Variants in SEMA3E observed in about 807,000 individuals in gnomAD.
SEMA3E encodes the protein semaphorin-3E.
A neutral mutation model predicts 93.6 loss-of-function variants in SEMA3E; 49 were observed. That is an observed-to-expected ratio of 0.52 (90% CI 0.42 to 0.66). The LOEUF is 0.66. Among genes scored for constraint, SEMA3E ranks in the 30% least tolerant of loss-of-function variants. The probability of loss-of-function intolerance (pLI) is 0.00; values close to 1 mark genes in which losing one functional copy is unlikely to be tolerated. For synonymous variants in SEMA3E, 363 were observed against 330.7 expected (o/e 1.10, Z -1.06); for missense variants, 906 against 964.8 (o/e 0.94, Z 0.81).
At chr7:83,483,929 A>G (rs1790199259) in intron 2 of SEMA3E, among the ~76,000 whole-genome samples, 1 of 152,276 alleles carries the variant, frequency 6.6e-6, no homozygotes, top group East Asian at 1.9e-4. Context: ...GGAAGTATTG[A>G]CCCGACCCAC....
rs201142280 is a variant in SEMA3E at position 83,402,385 on chromosome 7, A to AG, written c.1143+246_1143+247insC. On this transcript the variant is annotated intron_variant, in intron 10 of 16. Coordinates refer to ENST00000643230, the MANE Select transcript of SEMA3E (RefSeq NM_012431.3). ...TCAATTGGTGTTACTTAGCCAAAAT[A>AG]TCAATAATAGTACATATTTTATAAT... 4.6e-3 allele frequency among the ~76,000 whole-genome samples: 703 copies of AG among 152,152 alleles called. 23 individuals carry two copies. Among genetic ancestry groups the AG allele is most frequent in the Admixed American group, 0.039 (590 of 15,246 alleles).
chr7:83,608,951 TC>T (rs1793188052), intron 1 of SEMA3E, among the ~76,000 whole-genome samples: 2 of 151,864 alleles, frequency 1.3e-5, no homozygotes, highest in Admixed American at 1.3e-4. Flanking sequence ...TTCAAGGGAG[TC>T]CTGCCAAGAA....
rs75164403 is a variant in SEMA3E at position 83,367,515 on chromosome 7, A to T, written c.*71T>A. The T allele has an allele frequency of 0.11, 167,157 of 1,464,550 alleles. 10,372 individuals are homozygous for T. The highest frequency in any genetic ancestry group is 0.18 in the Middle Eastern group (1,042 of 5,768). 90.7% of individuals were successfully genotyped at this position (1,464,550 alleles called of 1,614,324 possible). A position where few individuals can be genotyped will look rare whatever the true frequency, so the allele number is the denominator to read the frequency against. ...CTTTTAAGTAATGCAAAGAAGTTGG[A>T]TGATTTATTTTTTTACTTTTTTACT... is the stretch of plus-strand genomic sequence containing the variant. On this transcript the variant is annotated 3_prime_UTR_variant, in exon 17 of 17. Coordinates refer to ENST00000643230, the MANE Select transcript of SEMA3E (RefSeq NM_012431.3).
intron 1 of SEMA3E, among the ~76,000 whole-genome samples, chr7:83,515,166 G>A (rs1207436623): frequency 4.0e-5 from 6 of 151,840 alleles, no homozygotes; most frequent in Admixed American, 6.6e-5. Context: ...CTTGCCCAGC[G>A]CCCCTCCTCT....
At chr7:83,369,014 TGAGGA>T (rs1164786350) in intron 16 of SEMA3E, among the ~76,000 whole-genome samples, 1 of 152,090 alleles carries the variant, frequency 6.6e-6, no homozygotes, top group Non-Finnish European at 1.5e-5. Flanking sequence ...AGAAAATAGG[TGAGGA>T]TTTTTTGCAC....
intron 10 of SEMA3E, 102 bp downstream of exon 10, chr7:83,402,530 A>C: frequency 9.7e-7 from 1 of 1,027,656 alleles, no homozygotes; most frequent in Non-Finnish European, 1.5e-6. Flanking sequence ...TAGGTATAGT[A>C]TTCCTTAATT....
At chr7:83,559,057 A>T (rs1189456611) in intron 1 of SEMA3E, among the ~76,000 whole-genome samples, 1 of 152,104 alleles carries the variant, frequency 6.6e-6, no homozygotes, top group East Asian at 1.9e-4. Context: ...TTAATTATAA[A>T]TAAAGCACCA....
rs1794112466 is a variant in SEMA3E at position 83,648,656 on chromosome 7, G to A, written c.-114C>T. 6.4e-6 allele frequency: 5 copies of A among 778,558 alleles called. No individual in the cohort carries two copies. In the Admixed American group the frequency reaches 8.0e-5, roughly 12 times the overall value. 48.2% of individuals were successfully genotyped at this position (778,558 alleles called of 1,614,324 possible). A position where few individuals can be genotyped will look rare whatever the true frequency, so the allele number is the denominator to read the frequency against. On this transcript the variant is annotated 5_prime_UTR_variant, in exon 1 of 17. In the 5' UTR this introduces an upstream ATG that the reference lacks. Transcript: ENST00000643230. ...AGAGGCTTTGTCAGAAATCGAACGC[G>A]TTGTCATCAGAAAGCACAGTTCCGA...
chr7:83,454,774 G>A (rs1259197781), intron 4 of SEMA3E, among the ~76,000 whole-genome samples: 1 of 152,144 alleles, frequency 6.6e-6, no homozygotes, highest in Non-Finnish European at 1.5e-5. Context: ...CAAGCTCTCA[G>A]GGATCGATGA....
chr7:83,635,008 G>A (rs1396973639), intron 1 of SEMA3E, among the ~76,000 whole-genome samples: 2 of 151,936 alleles, frequency 1.3e-5, no homozygotes, highest in African/African-American at 4.8e-5. Context: ...CATATGGTTA[G>A]CTCAAGTTTA....
At chr7:83,561,491 A>G (rs1792028888) in intron 1 of SEMA3E, among the ~76,000 whole-genome samples, 1 of 152,112 alleles carries the variant, frequency 6.6e-6, no homozygotes, top group African/African-American at 2.4e-5. Context: ...CCCTAATCAT[A>G]TTCTTTCCTC....
At chr7:83,607,381 A>G (rs1793146343) in intron 1 of SEMA3E, among the ~76,000 whole-genome samples, 1 of 152,202 alleles carries the variant, frequency 6.6e-6, no homozygotes, top group African/African-American at 2.4e-5. Flanking sequence ...TTACTCTTGT[A>G]ATTTCATTGC....
chr7:83,380,253 T>C (rs537250871), intron 16 of SEMA3E, among the ~76,000 whole-genome samples: 8 of 151,956 alleles, frequency 5.3e-5, no homozygotes, highest in Non-Finnish European at 1.5e-5. Flanking sequence ...ACCTGTCTTC[T>C]CCCTTTCTAC....
chr7:83,591,776 G>A (rs1037676387), intron 1 of SEMA3E, among the ~76,000 whole-genome samples: 1 of 151,970 alleles, frequency 6.6e-6, no homozygotes, highest in African/African-American at 2.4e-5. Flanking sequence ...TCAAATAAGT[G>A]TAGACTTCTT....
At chr7:83,463,377 T>G (rs2115867818) in intron 4 of SEMA3E, among the ~76,000 whole-genome samples, 1 of 152,252 alleles carries the variant, frequency 6.6e-6, no homozygotes, top group Non-Finnish European at 1.5e-5. Context: ...ACTCACTCTC[T>G]ACAGTTCTCA....
chr7:83,550,354 T>G (rs955314571), intron 1 of SEMA3E, among the ~76,000 whole-genome samples: 1 of 152,106 alleles, frequency 6.6e-6, no homozygotes, highest in African/African-American at 2.4e-5. Flanking sequence ...TGCATGTGTG[T>G]GGCACCCAGT....
chr7:83,611,389 A>T (rs984187436), intron 1 of SEMA3E, among the ~76,000 whole-genome samples: 5 of 142,850 alleles, frequency 3.5e-5, no homozygotes, highest in East Asian at 2.0e-4. Context: ...AAATTTATAT[A>T]TTATATATAT....
At chr7:83,438,593 G>T (rs184917374) in intron 4 of SEMA3E, among the ~76,000 whole-genome samples, 13 of 151,958 alleles carry the variant, frequency 8.6e-5, no homozygotes, top group Admixed American at 2.6e-4. Flanking sequence ...CATTTATTCA[G>T]TGTAAACAGA....
intron 1 of SEMA3E, among the ~76,000 whole-genome samples, chr7:83,520,062 C>T (rs1166020567): frequency 2.6e-5 from 4 of 152,110 alleles, no homozygotes; most frequent in African/African-American, 9.7e-5. Context: ...ATAAAATCAT[C>T]CCTGATATTC....
Sources: gnomAD v4.1 joint callset for allele counts (sites outside exome capture counted in the v4.1 genomes callset) on GRCh38, gnomAD v4.1.1 for gene constraint, MANE v1.5 for transcripts, NCBI Gene and HGNC (gene_info 2026-07-23, HGNC 2026-07-21) for gene names.